Variants in CELF4 observed in about 807,000 individuals in gnomAD.
CELF4 encodes the protein CUG-BP- and ETR-3-like factor 4.
CELF4 carries 18 observed loss-of-function variants against 59.9 expected under a neutral mutation model. The observed-to-expected ratio is 0.30, with a 90% confidence interval of 0.21 to 0.45. CELF4 has a LOEUF of 0.45. Ranked by LOEUF, CELF4 falls within the 20% of genes least tolerant of loss-of-function variation. The probability of loss-of-function intolerance (pLI) is 1.00; values close to 1 mark genes in which losing one functional copy is unlikely to be tolerated. For missense variants in CELF4, 456 were observed against 689.0 expected (o/e 0.66, Z 3.79); for synonymous variants, 261 against 267.1 (o/e 0.98, Z 0.22).
intron 1 of CELF4, among the ~76,000 whole-genome samples, chr18:37,494,977 T>G (rs1361657003): frequency 6.6e-6 from 1 of 152,186 alleles, no homozygotes; most frequent in African/African-American, 2.4e-5. Context: ...CAGGTGCCCT[T>G]TCAAATGTCA....
At chr18:37,255,960 G>C (rs2069070436) in intron 11 of CELF4, among the ~76,000 whole-genome samples, 1 of 152,180 alleles carries the variant, frequency 6.6e-6, no homozygotes, top group Non-Finnish European at 1.5e-5. Flanking sequence ...AGAGTTTAGA[G>C]GTCCTCGGAA....
At chr18:37,339,485 G>A (rs1202833051) in intron 2 of CELF4, among the ~76,000 whole-genome samples, 1 of 152,222 alleles carries the variant, frequency 6.6e-6, no homozygotes, top group Non-Finnish European at 1.5e-5. Flanking sequence ...CAGGCACAGT[G>A]GCTCATGTCT....
intron 2 of CELF4, among the ~76,000 whole-genome samples, chr18:37,406,086 G>C (rs980006879): frequency 1.9e-4 from 29 of 152,122 alleles, no homozygotes; most frequent in African/African-American, 6.5e-4. Context: ...GTTCGCTGGA[G>C]AAACTGCCTC....
At chr18:37,259,066 G>C (rs1286353491) in intron 11 of CELF4, 115 bp downstream of exon 11, 8 of 1,539,394 alleles carry the variant, frequency 5.2e-6, no homozygotes, top group Non-Finnish European at 7.0e-6. Context: ...CGGTAGGTTG[G>C]TGCGAGCACC....
At chr18:37,552,209 T>TA (rs2099983425) in intron 1 of CELF4, among the ~76,000 whole-genome samples, 2 of 152,336 alleles carry the variant, frequency 1.3e-5, no homozygotes, top group South Asian at 2.1e-4. Context: ...CATCTCAAGT[T>TA]ATCTTGTGGC....
chr18:37,490,865 C>A lies in CELF4; in HGVS notation c.287-5258G>T, dbSNP rs1277904359. ...CCCTGAGCTGCCCCCTTTCCTGCCC[C>A]ACTGTCTGGGATGGTTCTCCCGGCA... On this transcript the variant is annotated intron_variant, in intron 1 of 12. Coordinates refer to ENST00000420428, the MANE Select transcript of CELF4 (RefSeq NM_020180.4). Among the ~76,000 whole-genome samples the A allele has an allele frequency of 2.6e-5, 4 of 152,180 alleles. 1 individual carries two copies.
Position 37,353,022 on chromosome 18 carries a change from C to T in CELF4, c.370-31141G>A, listed in dbSNP as rs572316484. 6.3e-4 allele frequency among the ~76,000 whole-genome samples: 96 copies of T among 152,108 alleles called. No homozygotes were observed. The East Asian group carries it at 6.8e-3, about 11-fold the overall frequency. On this transcript the variant is annotated intron_variant, in intron 2 of 12. Transcript: ENST00000420428. ...AGATCAGGAAGTCAGGAGATCGAGA[C>T]CATCCTGGCTAACACGGTGAAACCC...
chr18:37,318,934 G>C (rs1243547922), intron 3 of CELF4, among the ~76,000 whole-genome samples: 1 of 152,150 alleles, frequency 6.6e-6, no homozygotes, highest in Non-Finnish European at 1.5e-5. Flanking sequence ...GCCTGGGTCG[G>C]TGGCCCTTGT....
At chr18:37,520,050 T>TGA (rs1433571022) in intron 1 of CELF4, among the ~76,000 whole-genome samples, 3 of 152,306 alleles carry the variant, frequency 2.0e-5, no homozygotes, top group Non-Finnish European at 4.4e-5. Context: ...TGGGGCTTCC[T>TGA]GAGAGCTTGC....
At position 37,409,916 on chromosome 18, in the gene CELF4, A is replaced by G. The variant is rs1188518892; in HGVS notation, c.369+75609T>C. 4.6e-5 allele frequency among the ~76,000 whole-genome samples: 7 copies of G among 152,342 alleles called. No homozygotes were observed. In the East Asian group the frequency reaches 1.4e-3, roughly 29 times the overall value. ...TTTGCTTTACAAAGTGACCCTTCAC[A>G]TGCAGCGCCTCAGGGCCAGGCACAC... is the stretch of plus-strand genomic sequence containing the variant. On this transcript the variant is annotated intron_variant, in intron 2 of 12. Transcript: ENST00000420428.
rs954134404 is a variant in CELF4 at position 37,243,578 on chromosome 18, A to T, written c.*1664T>A. 1 of 152,210 alleles carries T rather than the reference A, an allele frequency of 6.6e-6. No individual in the cohort carries two copies. The highest frequency in any genetic ancestry group is 2.4e-5 in the African/African-American group (1 of 41,436). The allele number at this position is 152,210 out of a possible 1,614,324, so 9.4% of individuals were successfully genotyped here. On this transcript the variant is annotated 3_prime_UTR_variant, in exon 13 of 13. Coordinates refer to ENST00000420428, the MANE Select transcript of CELF4 (RefSeq NM_020180.4). ...AAAGATAAATATCGTGCTTTCATTA[A>T]ATAGTTTTCCTTGTTTTTTTCTCTA...
chr18:37,352,944 G>T (rs1166875555), intron 2 of CELF4, among the ~76,000 whole-genome samples: 1 of 152,008 alleles, frequency 6.6e-6, no homozygotes, highest in African/African-American at 2.4e-5. Flanking sequence ...TTTCTTGGCC[G>T]GGCGCGGTAG....
At chr18:37,469,534 C>G (rs58007421) in intron 2 of CELF4, among the ~76,000 whole-genome samples, 1 of 152,132 alleles carries the variant, frequency 6.6e-6, no homozygotes, top group African/African-American at 2.4e-5. Context: ...CACCTGCAGC[C>G]GGCCCAGGCA....
chr18:37,502,944 A>C (rs1452923153), intron 1 of CELF4, among the ~76,000 whole-genome samples: 1 of 152,208 alleles, frequency 6.6e-6, no homozygotes, highest in Non-Finnish European at 1.5e-5. Context: ...GAGCCTTTGC[A>C]TTAGCTGCCC....
intron 1 of CELF4, among the ~76,000 whole-genome samples, chr18:37,504,320 G>A (rs145018950): frequency 0.013 from 2,052 of 152,016 alleles, 56 homozygotes; most frequent in African/African-American, 0.046. Flanking sequence ...GTGAAACCCC[G>A]TCTCTACTAA....
chr18:37,498,605 T>A (rs983455350), intron 1 of CELF4, among the ~76,000 whole-genome samples: 1 of 151,862 alleles, frequency 6.6e-6, no homozygotes, highest in African/African-American at 2.4e-5. Flanking sequence ...CCTATTTAAT[T>A]TTCCCCCGAC....
intron 2 of CELF4, among the ~76,000 whole-genome samples, chr18:37,440,647 C>A (rs749261011): frequency 5.3e-5 from 8 of 152,298 alleles, no homozygotes; most frequent in Admixed American, 3.3e-4. Context: ...ATTTAAAATA[C>A]AACTAACTGT....
chr18:37,547,119 C>A lies in CELF4; in HGVS notation c.286+18237G>T, dbSNP rs561672664. 6.7e-4 allele frequency among the ~76,000 whole-genome samples: 101 copies of A among 150,822 alleles called. 4 individuals carry two copies. The South Asian group carries it at 0.017, about 26-fold the overall frequency. ...TTCCTGTTCCCTGGCGAACTCCTTA[C>A]AACAATTAACCCTTTGCTTAGTGTA... On this transcript the variant is annotated intron_variant, in intron 1 of 12. Transcript: ENST00000420428.
At chr18:37,302,352 TTAAG>T (rs2096110558) in intron 3 of CELF4, among the ~76,000 whole-genome samples, 1 of 152,176 alleles carries the variant, frequency 6.6e-6, no homozygotes, top group South Asian at 2.1e-4. Context: ...AGTGCTTCCT[TTAAG>T]TGGCCAGAAG....
Sources: allele counts gnomAD v4.1 joint callset (sites outside exome capture counted in the v4.1 genomes callset), GRCh38; gene constraint gnomAD v4.1.1; transcripts MANE v1.5; gene names NCBI Gene and HGNC (gene_info 2026-07-23, HGNC 2026-07-21).